ZNF507: variants seen among roughly 807,000 people sequenced by gnomAD.
The protein encoded by ZNF507 is zinc finger protein 507.
ZNF507 carries 29 observed loss-of-function variants against 80.0 expected under a neutral mutation model. That is an observed-to-expected ratio of 0.36 (90% CI 0.27 to 0.49). ZNF507 has a LOEUF of 0.49. ZNF507 is among the 20% of genes least tolerant of loss of function. The probability of loss-of-function intolerance (pLI) is 0.98; values close to 1 mark genes in which losing one functional copy is unlikely to be tolerated. For missense variants in ZNF507, 1,081 were observed against 1,152.2 expected (o/e 0.94, Z 0.90); for synonymous variants, 462 against 422.5 (o/e 1.09, Z -1.15).
chr19:32,382,476 G>T lies in ZNF507; in HGVS notation c.2370G>T (p.Leu790=), dbSNP rs369913722. 1.2e-6 allele frequency: 2 copies of T among 1,614,070 alleles called. No homozygotes were observed. The highest frequency in any genetic ancestry group is 8.5e-7 in the Non-Finnish European group (1 of 1,179,988). Residue 790 remains leucine (L), a synonymous_variant, in exon 6 of 7, where the codon CTG becomes CTT. Coordinates refer to ENST00000355898, the MANE Select transcript of ZNF507 (RefSeq NM_001136156.2). ...CCTGCCTGTCTTCCAGATGCTCTCT[G>T]TGTGGGTATGTGTGTAGCCATCCTC... ...HNSDKPYRCS[L]CGYVCSHPPS...
intron 5 of ZNF507, among the ~76,000 whole-genome samples, chr19:32,370,086 A>ATGTG (rs746354942): frequency 7.9e-5 from 12 of 152,168 alleles, no homozygotes; most frequent in Non-Finnish European, 1.3e-4. Context: ...ATGATTGAGT[A>ATGTG]TGTGTGTGTG....
Position 32,387,137 on chromosome 19 carries a change from T to C in ZNF507, c.*4054T>C, listed in dbSNP as rs1231279046. The C allele has an allele frequency of 6.6e-6, 1 of 152,200 alleles. No individual in the cohort carries two copies. The highest frequency in any genetic ancestry group is 2.4e-5 in the African/African-American group (1 of 41,456). 9.4% of individuals were successfully genotyped at this position (152,200 alleles called of 1,614,324 possible). A position where few individuals can be genotyped will look rare whatever the true frequency, so the allele number is the denominator to read the frequency against. On this transcript the variant is annotated 3_prime_UTR_variant, in exon 7 of 7. Transcript: ENST00000355898. ...AGTTTCTCTTCCAAATGTGACACGC[T>C]TATATGCTTTCAATTCTGATATAGT...
At position 32,353,304 on chromosome 19, in the gene ZNF507, A is replaced by G. The variant is rs1007754029; in HGVS notation, c.474A>G (p.Ser158=). 2 of 1,614,128 alleles carry G rather than the reference A, an allele frequency of 1.2e-6. No homozygotes were observed. The highest frequency in any genetic ancestry group is 2.7e-5 in the African/African-American group (2 of 74,948). Residue 158 remains serine (S), a synonymous_variant, in exon 3 of 7, where the codon TCA becomes TCG. Transcript: ENST00000355898. ...AAAATGAAGTGATACTGATGTGCTCAGAGTGCCATATTACATCTAGAAGCC... is the reference window on the plus strand; with the variant it reads ...AAAATGAAGTGATACTGATGTGCTCGGAGTGCCATATTACATCTAGAAGCC... The part of the protein sequence containing the change: ...GQQNEVILMC[S]ECHITSRSQE...
At chr19:32,350,266 G>A (rs1200833008) in intron 2 of ZNF507, among the ~76,000 whole-genome samples, 2 of 151,426 alleles carry the variant, frequency 1.3e-5, no homozygotes, top group Non-Finnish European at 2.9e-5. Context: ...TTTTGCATGG[G>A]GACCCAAACT....
At chr19:32,379,813 ACATTCCACT>A (rs1165824257) in intron 5 of ZNF507, among the ~76,000 whole-genome samples, 1 of 151,570 alleles carries the variant, frequency 6.6e-6, no homozygotes, top group Admixed American at 6.6e-5. Flanking sequence ...CCACTTTGTA[ACATTCCACT>A]ATATGAAAAT....
intron 5 of ZNF507, among the ~76,000 whole-genome samples, chr19:32,361,600 G>A (rs548950453): frequency 1.3e-5 from 2 of 152,332 alleles, no homozygotes; most frequent in African/African-American, 4.8e-5. Context: ...TGTGGAAGGT[G>A]TTTGACCTTG....
chr19:32,374,283 G>A (rs540119939), intron 5 of ZNF507, among the ~76,000 whole-genome samples: 31 of 151,610 alleles, frequency 2.0e-4, no homozygotes, highest in Non-Finnish European at 3.5e-4. Flanking sequence ...CTTCTTGCTA[G>A]CATTTTGCTA....
intron 1 of ZNF507, among the ~76,000 whole-genome samples, chr19:32,346,591 C>G (rs1051500766): frequency 1.4e-4 from 22 of 152,236 alleles, no homozygotes; most frequent in Non-Finnish European, 2.5e-4. Flanking sequence ...CTTTACCTCA[C>G]TAACTCGTTG....
At chr19:32,370,073 G>A (rs970675462) in intron 5 of ZNF507, among the ~76,000 whole-genome samples, 3 of 152,324 alleles carry the variant, frequency 2.0e-5, no homozygotes, top group Non-Finnish European at 4.4e-5. Context: ...TTTTTAAGGC[G>A]GAATGATTGA....
At chr19:32,373,026 C>G (rs948030201) in intron 5 of ZNF507, among the ~76,000 whole-genome samples, 7 of 152,220 alleles carry the variant, frequency 4.6e-5, no homozygotes, top group African/African-American at 1.4e-4. Flanking sequence ...GGCCTGCTCC[C>G]TGCTTCATAA....
In ZNF507 at chr19:32,384,652, A is replaced by T. The variant is rs1967665630; in HGVS notation, c.*1569A>T. 1 of 152,206 alleles carries T rather than the reference A, an allele frequency of 6.6e-6. No individual in the cohort carries two copies. Among genetic ancestry groups the T allele is most frequent in the Non-Finnish European group, 1.5e-5 (1 of 68,042 alleles). 9.4% of individuals were successfully genotyped at this position (152,206 alleles called of 1,614,324 possible). ...CAGGTATGATTGGATTAATATTTAT[A>T]AAATTATTATTAGGAATTATTTAAG... On this transcript the variant is annotated 3_prime_UTR_variant, in exon 7 of 7. Coordinates refer to ENST00000355898, the MANE Select transcript of ZNF507 (RefSeq NM_001136156.2).
intron 4 of ZNF507, chr19:32,359,354 G>A (rs1967291494): frequency 6.6e-6 from 1 of 152,144 alleles, no homozygotes; most frequent in Admixed American, 6.5e-5. Flanking sequence ...ATTTCAGTGT[G>A]GGTTTTCCTT....
chr19:32,368,945 T>C (rs571618895), intron 5 of ZNF507, among the ~76,000 whole-genome samples: 62 of 152,374 alleles, frequency 4.1e-4, no homozygotes, highest in Non-Finnish European at 8.4e-4. Context: ...CTCAAGGCAG[T>C]TGACCTGGAA....
At chr19:32,351,412 TG>T (rs916809877) in intron 2 of ZNF507, among the ~76,000 whole-genome samples, 5 of 133,246 alleles carry the variant, frequency 3.8e-5, no homozygotes, top group Admixed American at 7.8e-5. Flanking sequence ...GCACTGAAGC[TG>T]GTCAGCTGTG....
chr19:32,346,240 G>C (rs1390847325), intron 1 of ZNF507, among the ~76,000 whole-genome samples: 6 of 152,108 alleles, frequency 3.9e-5, no homozygotes, highest in Admixed American at 1.3e-4. Flanking sequence ...ACGCAGCCCT[G>C]GTCTTCTGCA....
rs1967193532 is a variant in ZNF507, at chr19:32,353,125, G to A, written c.295G>A (p.Asp99Asn). 6.2e-7 allele frequency: 1 copy of A among 1,614,094 alleles called. No individual in the cohort carries two copies. The highest frequency in any genetic ancestry group is 8.5e-7 in the Non-Finnish European group (1 of 1,180,054). ...PAKVIQSPAA[D>N]TRRAEMSQTN... ...TAAAGTAATCCAGTCACCTGCTGCT[G>A]ATACTAGAAGGGCTGAGATGTCACA... Residue 99 changes from aspartate to asparagine, a missense_variant, in exon 3 of 7, where the codon GAT (aspartate) becomes AAT (asparagine). Physicochemically the swap from Asp to Asn is conservative, Grantham distance 23 (BLOSUM62 1). This residue lies in a region of ZNF507 where 275 missense variants were observed against 303.9 expected (regional missense o/e 0.90). Transcript: ENST00000355898.
rs1018741358 is a variant in ZNF507, at chr19:32,387,401, G to A, written c.*4318G>A. 5 of 152,060 alleles carry A rather than the reference G, an allele frequency of 3.3e-5. No individual in the cohort carries two copies. Among genetic ancestry groups the A allele is most frequent in the Admixed American group, 1.3e-4 (2 of 15,262 alleles). The allele number at this position is 152,060 out of a possible 1,614,324, so 9.4% of individuals were successfully genotyped here. A position where few individuals can be genotyped will look rare whatever the true frequency, so the allele number is the denominator to read the frequency against. ...GAAAGTGACCAAGGCCAAATATTTC[G>A]TCCCATGCTTCCCAGGGACAACATA... On this transcript the variant is annotated 3_prime_UTR_variant, in exon 7 of 7. Coordinates refer to ENST00000355898, the MANE Select transcript of ZNF507 (RefSeq NM_001136156.2).
At chr19:32,369,077 T>C (rs1382457297) in intron 5 of ZNF507, among the ~76,000 whole-genome samples, 1 of 152,204 alleles carries the variant, frequency 6.6e-6, no homozygotes, top group South Asian at 2.1e-4. Flanking sequence ...AAAAATTCAG[T>C]CTCAGGCTTT....
chr19:32,367,019 A>C (rs1440482073), intron 5 of ZNF507, among the ~76,000 whole-genome samples: 3 of 152,176 alleles, frequency 2.0e-5, no homozygotes, highest in Non-Finnish European at 2.9e-5. Flanking sequence ...GTTATAAGGG[A>C]ATACCTGAGG....
Sources: gnomAD v4.1 joint callset for allele counts (sites outside exome capture counted in the v4.1 genomes callset) on GRCh38, gnomAD v4.1.1 for gene constraint, gnomAD v4.1.1 regional missense constraint, MANE v1.5 for transcripts, NCBI Gene and HGNC (gene_info 2026-07-23, HGNC 2026-07-21) for gene names.